KDM6A: variants seen among roughly 807,000 people sequenced by gnomAD.
KDM6A encodes the protein lysine demethylase 6A.
Under a neutral mutation model 117.6 loss-of-function variants are expected in KDM6A, and 11 were observed. The observed-to-expected ratio is 0.09, with a 90% CI of 0.06 to 0.15. The LOEUF is 0.15. Ranked by LOEUF, KDM6A falls within the 10% of genes least tolerant of loss-of-function variation. The probability of loss-of-function intolerance (pLI) is 1.00; values close to 1 mark genes in which losing one functional copy is unlikely to be tolerated. For missense variants in KDM6A, 799 were observed against 1,077.3 expected (o/e 0.74, Z 3.62); for synonymous variants, 384 against 396.1 (o/e 0.97, Z 0.36).
intron 6 of KDM6A, among the ~76,000 whole-genome samples, chrX:45,034,493 A>AT (rs1348192085): frequency 1.8e-5 from 2 of 111,417 alleles, no homozygotes; most frequent in African/African-American, 6.5e-5. Context: ...ACTCATAGTG[A>AT]TTTTTTTTGT....
chrX:44,896,255 T>C (rs1347404682), intron 2 of KDM6A, among the ~76,000 whole-genome samples: 3 of 109,868 alleles, frequency 2.7e-5, no homozygotes, highest in East Asian at 5.7e-4. Flanking sequence ...TTTGTATTTT[T>C]TTTAGTAGAG....
chrX:44,973,939 C>T (rs2039490948), intron 3 of KDM6A, among the ~76,000 whole-genome samples: 1 of 111,167 alleles, frequency 9.0e-6, no homozygotes, highest in African/African-American at 3.3e-5. Context: ...TTTTCCCTTA[C>T]CTAAGACTAG....
Position 44,895,408 on chromosome X carries a change from C to T in KDM6A, c.225+21421C>T, listed in dbSNP as rs149828576. The stretch of plus-strand genomic sequence containing the variant: ...GCTGGGATTACAGACCATGAGCCAC[C>T]GCTCTGGGCCAACTTTTATTTTTTT... On this transcript the variant is annotated intron_variant, in intron 2 of 29. Coordinates refer to ENST00000611820, the MANE Select transcript of KDM6A (RefSeq NM_001291415.2). 7.5e-3 allele frequency among the ~76,000 whole-genome samples: 807 copies of T among 107,866 alleles called. 10 individuals carry two copies. The highest frequency in any genetic ancestry group is 0.011 in the Non-Finnish European group (550 of 52,255). 93.7% of individuals were successfully genotyped at this position (107,866 alleles called of 115,157 possible). A position where few individuals can be genotyped will look rare whatever the true frequency, so the allele number is the denominator to read the frequency against.
chrX:44,895,079 TTTA>T (rs1178876502), intron 2 of KDM6A, among the ~76,000 whole-genome samples: 5 of 53,846 alleles, frequency 9.3e-5, no homozygotes, highest in South Asian at 9.9e-4. Flanking sequence ...TTTTATTTTA[TTTA>T]TTTATTTATT....
In KDM6A at chrX:44,873,299, C is replaced by T. The variant is rs1053797231; in HGVS notation, c.-253C>T. The T allele has an allele frequency of 6.5e-5, 25 of 386,524 alleles. No homozygotes were observed. The highest frequency in any genetic ancestry group is 3.3e-4 in the Admixed American group (6 of 18,081). 31.9% of individuals were successfully genotyped at this position (386,524 alleles called of 1,213,427 possible). ...CCGCCGTCCCCGCCTGTGGCTGCCC[C>T]CTGCCCAACCCCGCGATGTGACCCT... On this transcript the variant is annotated 5_prime_UTR_variant, in exon 1 of 30. Transcript: ENST00000611820.
At chrX:45,106,339 G>T (rs2046530630) in intron 27 of KDM6A, among the ~76,000 whole-genome samples, 1 of 111,195 alleles carries the variant, frequency 9.0e-6, no homozygotes, top group African/African-American at 3.3e-5. Context: ...ACATAGTAAC[G>T]TATAAAATAG....
Position 45,112,765 on chromosome X carries a change from T to C in KDM6A, c.*1354T>C, listed in dbSNP as rs1008106132. 2.7e-5 allele frequency among the ~76,000 whole-genome samples: 3 copies of C among 111,202 alleles called. No homozygotes were observed. Among genetic ancestry groups the C allele is most frequent in the Admixed American group, 9.6e-5 (1 of 10,404 alleles). ...TAGAATGCAAATAAATTAAGAGACT[T>C]ATTTTTTAATGTTAGGCAGTTTTGA... On this transcript the variant is annotated 3_prime_UTR_variant, in exon 30 of 30. Transcript: ENST00000611820.
At chrX:44,930,714 A>G (rs2036571004) in intron 2 of KDM6A, among the ~76,000 whole-genome samples, 2 of 112,181 alleles carry the variant, frequency 1.8e-5, no homozygotes, top group Non-Finnish European at 3.8e-5. Flanking sequence ...GGTTAAGTTG[A>G]AAGATACGCA....
intron 6 of KDM6A, among the ~76,000 whole-genome samples, chrX:45,027,186 AAGTTT>A (rs907536167): frequency 9.2e-6 from 1 of 108,715 alleles, no homozygotes; most frequent in Non-Finnish European, 1.9e-5. Flanking sequence ...AAGATAATGA[AAGTTT>A]AGGGCTGGGC....
intron 2 of KDM6A, among the ~76,000 whole-genome samples, chrX:44,925,867 A>G (rs187720324): frequency 8.9e-6 from 1 of 112,025 alleles, no homozygotes; most frequent in African/African-American, 3.2e-5. Flanking sequence ...TTCATGGACC[A>G]CATGTATTTA....
chrX:44,969,216 A>C (rs2039194185), intron 3 of KDM6A, among the ~76,000 whole-genome samples: 1 of 109,848 alleles, frequency 9.1e-6, no homozygotes, highest in African/African-American at 3.3e-5. Flanking sequence ...CTAGCCAGTG[A>C]TAGATTTTTC....
chrX:45,027,817 G>A (rs942846420), intron 6 of KDM6A, among the ~76,000 whole-genome samples: 3 of 108,333 alleles, frequency 2.8e-5, no homozygotes, highest in Admixed American at 9.8e-5. Context: ...TTTTGAGACG[G>A]AGTTTCACTC....
intron 19 of KDM6A, among the ~76,000 whole-genome samples, chrX:45,077,663 A>G (rs1179315321): frequency 2.7e-5 from 3 of 109,741 alleles, no homozygotes; most frequent in Non-Finnish European, 5.7e-5. Context: ...CTCTGAGGAG[A>G]AAAAAAAATG....
intron 2 of KDM6A, among the ~76,000 whole-genome samples, chrX:44,937,922 T>C (rs1189023334): frequency 9.1e-6 from 1 of 110,436 alleles, no homozygotes; most frequent in African/African-American, 3.3e-5. Flanking sequence ...TGCAGCGGCA[T>C]GATATGGTGT....
chrX:44,935,373 G>C (rs1369088943), intron 2 of KDM6A, among the ~76,000 whole-genome samples: 1 of 110,830 alleles, frequency 9.0e-6, no homozygotes, highest in Non-Finnish European at 1.9e-5. Flanking sequence ...ATGATGTACA[G>C]CCAAACTGTA....
intron 2 of KDM6A, among the ~76,000 whole-genome samples, chrX:44,931,381 C>T (rs1169598265): frequency 2.7e-5 from 3 of 111,962 alleles, no homozygotes; most frequent in African/African-American, 9.8e-5. Context: ...GCCTCCAAAG[C>T]AGGATCTCAA....
chrX:44,988,441 C>T (rs926100171), intron 4 of KDM6A, among the ~76,000 whole-genome samples: 4 of 111,572 alleles, frequency 3.6e-5, no homozygotes, highest in Admixed American at 9.6e-5. Context: ...AGCTTTGTTC[C>T]GTTGCTGGTG....
chrX:45,079,545 G>A lies in KDM6A; in HGVS notation c.3300+194G>A, dbSNP rs779010989. ...TGTATGTATGTATGTATGTATGTAC[G>A]TACGTATGTGTATTTTGAGACGGAG... On this transcript the variant is annotated intron_variant, in intron 21 of 29. Transcript: ENST00000611820. Among the ~76,000 whole-genome samples the A allele has an allele frequency of 2.3e-3, 260 of 111,065 alleles. 2 individuals are homozygous for A. The highest frequency in any genetic ancestry group is 8.2e-3 in the African/African-American group (250 of 30,454).
At chrX:44,923,193 T>C (rs2036074025) in intron 2 of KDM6A, among the ~76,000 whole-genome samples, 1 of 111,644 alleles carries the variant, frequency 9.0e-6, no homozygotes, top group East Asian at 2.8e-4. Flanking sequence ...GTGATTTGGT[T>C]ACGTTATGTG....
Sources: allele counts gnomAD v4.1 joint callset (sites outside exome capture counted in the v4.1 genomes callset), GRCh38; gene constraint gnomAD v4.1.1; transcripts MANE v1.5; gene names NCBI Gene and HGNC (gene_info 2026-07-23, HGNC 2026-07-21).